Variants in DGKD observed in about 807,000 individuals in gnomAD.
DGKD encodes diacylglycerol kinase delta.
A neutral mutation model predicts 154.4 loss-of-function variants in DGKD; 68 were observed. That is an observed-to-expected ratio of 0.44 (90% CI 0.36 to 0.54). The LOEUF (loss-of-function observed/expected upper bound fraction) is 0.54. DGKD is among the 20% of genes least tolerant of loss of function. DGKD has a pLI of 0.00. For synonymous variants in DGKD, 693 were observed against 638.0 expected (o/e 1.09, Z -1.30); for missense variants, 1,343 against 1,593.6 (o/e 0.84, Z 2.68).
chr2:233,368,080 A>G (rs1702126603), intron 1 of DGKD, among the ~76,000 whole-genome samples: 1 of 151,858 alleles, frequency 6.6e-6, no homozygotes, highest in African/African-American at 2.4e-5. Flanking sequence ...CTTTACCCCA[A>G]ATGGTTTCCA....
chr2:233,365,835 CA>C (rs2125386399), intron 1 of DGKD, among the ~76,000 whole-genome samples: 1 of 152,194 alleles, frequency 6.6e-6, no homozygotes, highest in South Asian at 2.1e-4. Context: ...TGAACAATAG[CA>C]AATATGTATA....
intron 3 of DGKD, chr2:233,419,489 G>A: frequency 1.0e-6 from 1 of 974,582 alleles, no homozygotes; most frequent in Non-Finnish European, 1.2e-6. Flanking sequence ...CAAGGTCAGG[G>A]TTTGGAATTA....
At position 233,446,725 on chromosome 2, in the gene DGKD, G is replaced by A; in HGVS notation, c.1348G>A (p.Ala450Thr). 2 of 1,613,932 alleles carry A rather than the reference G, an allele frequency of 1.2e-6. No individual in the cohort carries two copies. Among genetic ancestry groups the A allele is most frequent in the Non-Finnish European group, 8.5e-7 (1 of 1,180,022 alleles). ...TTGTGTGTGCAGGTGGAGCGTCATG[G>A]CATACGAGGCCAAGCTCCCCCGGCA... ...TKMLDRWSVM[A>T]YEAKLPRQAS... Residue 450 changes from alanine to threonine, a missense_variant, in exon 12 of 30, where the codon GCA (alanine) becomes ACA (threonine). By Grantham distance (58) the Ala-to-Thr change is moderately conservative. This residue lies in a region of DGKD where 409 missense variants were observed against 446.0 expected (regional missense o/e 0.92). Coordinates refer to ENST00000264057, the MANE Select transcript of DGKD (RefSeq NM_152879.3).
At chr2:233,393,730 G>C (rs59075316) in intron 3 of DGKD, among the ~76,000 whole-genome samples, 2,165 of 150,476 alleles carry the variant, frequency 0.014, 54 homozygotes, top group African/African-American at 0.05. Context: ...GTTGCCCAGG[G>C]GGGAGTGTAG....
In DGKD at chr2:233,461,957, C is replaced by T. The variant is rs151106334; in HGVS notation, c.2982-391C>T. On this transcript the variant is annotated intron_variant, in intron 24 of 29. Transcript: ENST00000264057. ...TGTTCAGATGAGGGTCCTTTTGTCC[C>T]CAGGGACAGACCGGCCAGTTACAGG... Among the ~76,000 whole-genome samples, 360 of 152,354 alleles carry T rather than the reference C, an allele frequency of 2.4e-3. 2 individuals are homozygous for T. Among genetic ancestry groups the T allele is most frequent in the African/African-American group, 8.0e-3 (331 of 41,586 alleles).
In DGKD at chr2:233,459,655, G is replaced by A; in HGVS notation, c.2695-102G>A. 1 of 1,480,120 alleles carries A rather than the reference G, an allele frequency of 6.8e-7. No individual in the cohort carries two copies. Among genetic ancestry groups the A allele is most frequent in the Admixed American group, 2.0e-5 (1 of 50,116 alleles). The allele number at this position is 1,480,120 out of a possible 1,614,324, so 91.7% of individuals were successfully genotyped here. A position where few individuals can be genotyped will look rare whatever the true frequency, so the allele number is the denominator to read the frequency against. ...AGAGGTGGGGTGTCCTGCAAGGCAG[G>A]GACGGGTGTGTGGAGCAGGAAGGTC... On this transcript the variant is annotated intron_variant, in intron 22 of 29. Transcript: ENST00000264057. The surrounding 1 kb of genome is among the most constrained non-coding windows in gnomAD (Gnocchi z 5.7).
At chr2:233,446,575 T>G in intron 11 of DGKD, 137 bp from the exon 12 acceptor site, 2 of 786,246 alleles carry the variant, frequency 2.5e-6, no homozygotes, top group Non-Finnish European at 2.0e-6. Context: ...TGGGACAGAG[T>G]CAAGACCAAG....
chr2:233,434,041 C>T (rs2062613065), intron 3 of DGKD, among the ~76,000 whole-genome samples: 1 of 152,234 alleles, frequency 6.6e-6, no homozygotes, highest in Admixed American at 6.5e-5. Context: ...GCAGTAGCAA[C>T]TGTGTCTTCC....
intron 1 of DGKD, among the ~76,000 whole-genome samples, chr2:233,375,789 T>A (rs978427510): frequency 2.0e-5 from 3 of 152,166 alleles, no homozygotes; most frequent in Admixed American, 2.0e-4. Context: ...ATTAATCACA[T>A]CAGCCTGTGT....
intron 10 of DGKD, chr2:233,442,573 C>T (rs1056924642): frequency 7.4e-5 from 13 of 176,298 alleles, no homozygotes; most frequent in Non-Finnish European, 1.4e-4. Context: ...GTAATTTAAA[C>T]GGGCTATTCT....
At chr2:233,424,721 G>A (rs574978385) in intron 3 of DGKD, among the ~76,000 whole-genome samples, 1 of 152,228 alleles carries the variant, frequency 6.6e-6, no homozygotes, top group Non-Finnish European at 1.5e-5. Context: ...TTTGCTGTGG[G>A]ACTGTGAGCA....
In DGKD at chr2:233,468,501, G is replaced by T. The variant is rs558628101; in HGVS notation, c.3503G>T (p.Arg1168Leu). 2 of 1,613,536 alleles carry T rather than the reference G, an allele frequency of 1.2e-6. No homozygotes were observed. ...SLCEYKDIFT[R>L]HDIRGSELLH... ...TGTGAGTATAAGGACATCTTCACAC[G>T]GCACGACATCCGGGGCTCTGAGCTC... is the stretch of plus-strand genomic sequence containing the variant. The change falls in exon 29 of 30, where the codon CGG becomes CTG. Residue 1168 changes from arginine to leucine, a missense_variant. Around this residue, in one of 6 missense-constraint regions of DGKD, gnomAD observed 429 missense variants for 496.3 expected, o/e 0.86. Coordinates refer to ENST00000264057, the MANE Select transcript of DGKD (RefSeq NM_152879.3).
Position 233,443,428 on chromosome 2 carries a change from C to T in DGKD, c.1194+1433C>T, listed in dbSNP as rs965454381. 1.6e-4 allele frequency among the ~76,000 whole-genome samples: 25 copies of T among 151,688 alleles called. 1 individual carries two copies. The highest frequency in any genetic ancestry group is 1.0e-3 in the South Asian group (5 of 4,822). ...TCTGTCACTGCAGATATTTTTTTCC[C>T]GGTTTGTCGTTTGTCAGTTCAACAT... On this transcript the variant is annotated intron_variant, in intron 10 of 29. Transcript: ENST00000264057.
At chr2:233,429,863 GGAA>G (rs1324741359) in intron 3 of DGKD, among the ~76,000 whole-genome samples, 1 of 152,210 alleles carries the variant, frequency 6.6e-6, no homozygotes, top group Non-Finnish European at 1.5e-5. Flanking sequence ...CAGGATATGT[GGAA>G]GAAGAAGCGA....
Position 233,354,838 on chromosome 2 carries a change from G to A in DGKD, c.156+164G>A, listed in dbSNP as rs1370794731. Among the ~76,000 whole-genome samples, 1 of 145,116 alleles carries A rather than the reference G, an allele frequency of 6.9e-6. No individual in the cohort carries two copies. The highest frequency in any genetic ancestry group is 1.5e-5 in the Non-Finnish European group (1 of 65,280). On this transcript the variant is annotated intron_variant, in intron 1 of 29. Transcript: ENST00000264057. The surrounding 1 kb of genome is among the most constrained non-coding windows in gnomAD (Gnocchi z 4.8). ...CGAGCGTGCCCCGCCGCTGTAACGG[G>A]CCGGCGCCCCGGGCGGAGCGCGCGG...
chr2:233,356,269 A>G (rs921893305), intron 1 of DGKD, among the ~76,000 whole-genome samples: 3 of 152,170 alleles, frequency 2.0e-5, no homozygotes, highest in Non-Finnish European at 4.4e-5. Flanking sequence ...GATCACGTTG[A>G]TTAGACTTAT....
chr2:233,438,455 A>C lies in DGKD; in HGVS notation c.1085+76A>C. The C allele has an allele frequency of 1.3e-6, 2 of 1,489,732 alleles. No individual in the cohort carries two copies. Among genetic ancestry groups the C allele is most frequent in the East Asian group, 4.6e-5 (2 of 43,688 alleles). The allele number at this position is 1,489,732 out of a possible 1,614,324, so 92.3% of individuals were successfully genotyped here. A position where few individuals can be genotyped will look rare whatever the true frequency, so the allele number is the denominator to read the frequency against. ...ATAGTGTGTGCTTGTTAAAAAAAAA[A>C]AGTTCAAAGACACAAAGCTTTAAAT... On this transcript the variant is annotated intron_variant, in intron 9 of 29. Coordinates refer to ENST00000264057, the MANE Select transcript of DGKD (RefSeq NM_152879.3). This position sits in a 1 kb window ranked among gnomAD's most constrained non-coding sequence, Gnocchi z 4.1.
At chr2:233,424,828 G>A (rs1032570951) in intron 3 of DGKD, among the ~76,000 whole-genome samples, 8 of 152,138 alleles carry the variant, frequency 5.3e-5, no homozygotes, top group African/African-American at 1.7e-4. Context: ...TTTGTGCCTC[G>A]CCCATATTAG....
chr2:233,413,611 G>T (rs2061884927), intron 3 of DGKD, among the ~76,000 whole-genome samples: 1 of 152,178 alleles, frequency 6.6e-6, no homozygotes, highest in African/African-American at 2.4e-5. Context: ...TGCCTGTGGG[G>T]TTAATTGATT....
Sources: gnomAD v4.1 joint callset for allele counts (sites outside exome capture counted in the v4.1 genomes callset) on GRCh38, gnomAD v4.1.1 for gene constraint, gnomAD v4.1.1 regional missense constraint, Gnocchi (gnomAD v3.1) non-coding constraint, MANE v1.5 for transcripts, NCBI Gene and HGNC (gene_info 2026-07-23, HGNC 2026-07-21) for gene names.